Variants in EYS observed in about 807,000 individuals in gnomAD.
EYS encodes the protein EGF-like photoreceptor maintenance factor.
In EYS, 250 loss-of-function variants were observed where a neutral mutation model predicts 282.1. The observed-to-expected ratio is 0.89, with a 90% CI of 0.80 to 0.98. The LOEUF (loss-of-function observed/expected upper bound fraction) is 0.98. EYS is among the 50% of genes least tolerant of loss of function. The pLI, the probability that EYS is intolerant of heterozygous loss-of-function variation, is 0.00. For synonymous variants in EYS, 1,355 were observed against 1,282.9 expected (o/e 1.06, Z -1.20); for missense variants, 4,016 against 3,709.0 (o/e 1.08, Z -2.15).
intron 12 of EYS, among the ~76,000 whole-genome samples, chr6:65,180,512 C>A (rs1304216653): frequency 1.3e-5 from 2 of 151,972 alleles, no homozygotes; most frequent in African/African-American, 2.4e-5. Flanking sequence ...ACGTGAAGGA[C>A]CTCTTCAAGG....
At chr6:65,365,840 T>C (rs1764895979) in intron 8 of EYS, among the ~76,000 whole-genome samples, 1 of 151,772 alleles carries the variant, frequency 6.6e-6, no homozygotes. Context: ...AATCAGAATG[T>C]TGGCTGTCTA....
intron 1 of EYS, among the ~76,000 whole-genome samples, chr6:65,654,317 T>A (rs545741923): frequency 1.1e-4 from 16 of 151,968 alleles, no homozygotes; most frequent in African/African-American, 3.9e-4. Context: ...CTTCTGTAAT[T>A]GGCTTATTTT....
At chr6:63,998,097 T>C (rs1202242201) in intron 34 of EYS, among the ~76,000 whole-genome samples, 4 of 152,112 alleles carry the variant, frequency 2.6e-5, no homozygotes, top group African/African-American at 9.7e-5. Context: ...CAAATGAAGA[T>C]CAGTACAGTG....
At chr6:63,786,943 G>T (rs765250595) in intron 39 of EYS, among the ~76,000 whole-genome samples, 1 of 152,086 alleles carries the variant, frequency 6.6e-6, no homozygotes, top group Non-Finnish European at 1.5e-5. Flanking sequence ...GTAACAATAC[G>T]CCATGATTTA....
At position 64,593,156 on chromosome 6, in the gene EYS, T is replaced by C; in HGVS notation, c.3838A>G (p.Arg1280Gly). The C allele has an allele frequency of 1.3e-6, 2 of 1,546,394 alleles. No homozygotes were observed. The highest frequency in any genetic ancestry group is 1.7e-6 in the Non-Finnish European group (2 of 1,144,822). Reference sequence around the variant, plus strand: ...TAAGTGTCCATTATGGCTGGTATTCTAGTAGCCTTTATAGATGGAAAGCTG... The same window carrying C: ...TAAGTGTCCATTATGGCTGGTATTCCAGTAGCCTTTATAGATGGAAAGCTG... ...VSSFPSIKATRIPAIMDTYPV... is the reference protein window; with the variant it reads ...VSSFPSIKATGIPAIMDTYPV... Residue 1280 changes from arginine to glycine, a missense_variant, in exon 25 of 43, where the codon AGA (arginine) becomes GGA (glycine). Physicochemically the swap from Arg to Gly is moderately radical, Grantham distance 125. Coordinates refer to ENST00000503581, the MANE Select transcript of EYS (RefSeq NM_001142800.2).
intron 12 of EYS, among the ~76,000 whole-genome samples, chr6:65,263,355 A>G (rs1379287533): frequency 6.6e-6 from 1 of 152,024 alleles, no homozygotes; most frequent in Non-Finnish European, 1.5e-5. Context: ...ATAAACAGAC[A>G]ATGTAAGAAA....
At chr6:65,138,843 C>T (rs1018270142) in intron 12 of EYS, among the ~76,000 whole-genome samples, 5 of 152,064 alleles carry the variant, frequency 3.3e-5, no homozygotes, top group African/African-American at 1.2e-4. Flanking sequence ...AAATATTCAA[C>T]ATCACTAATC....
chr6:63,810,346 A>C (rs141005149), intron 36 of EYS, among the ~76,000 whole-genome samples: 53 of 141,054 alleles, frequency 3.8e-4, no homozygotes, highest in African/African-American at 1.3e-3. Context: ...TTTTAATCTG[A>C]ATTATTAAAG....
intron 1 of EYS, among the ~76,000 whole-genome samples, chr6:65,641,134 G>C (rs993733301): frequency 6.6e-6 from 1 of 152,152 alleles, no homozygotes; most frequent in Non-Finnish European, 1.5e-5. Context: ...GTTATAGTGG[G>C]CCAAAATAGA....
rs1772741797 is a variant in EYS at position 64,381,344 on chromosome 6, C to G, written c.6078+7346G>C. Among the ~76,000 whole-genome samples, 3 of 152,026 alleles carry G rather than the reference C, an allele frequency of 2.0e-5. No homozygotes were observed. In the South Asian group the frequency reaches 6.2e-4, roughly 32 times the overall value. On this transcript the variant is annotated intron_variant, in intron 29 of 42. Coordinates refer to ENST00000503581, the MANE Select transcript of EYS (RefSeq NM_001142800.2). Reference sequence around the variant, plus strand: ...TTCTAAGTTTTCTAGTCCTTTATTTCTTTATCATCTACCAAACATATATAT... The same window carrying G: ...TTCTAAGTTTTCTAGTCCTTTATTTGTTTATCATCTACCAAACATATATAT...
chr6:64,407,843 T>G (rs1773770267), intron 28 of EYS, among the ~76,000 whole-genome samples: 1 of 152,118 alleles, frequency 6.6e-6, no homozygotes, highest in Non-Finnish European at 1.5e-5. Flanking sequence ...GTGATTCTCC[T>G]GCCTCAGCCT....
intron 35 of EYS, among the ~76,000 whole-genome samples, chr6:63,882,497 C>T (rs564370843): frequency 6.6e-6 from 1 of 152,182 alleles, no homozygotes; most frequent in South Asian, 2.1e-4. Context: ...CATTCATTCA[C>T]CCACTCAACG....
At chr6:65,596,278 A>G (rs747925616) in intron 2 of EYS, among the ~76,000 whole-genome samples, 3 of 152,094 alleles carry the variant, frequency 2.0e-5, no homozygotes, top group Non-Finnish European at 4.4e-5. Flanking sequence ...CAATTGTGAG[A>G]TAAGTTTTTT....
intron 12 of EYS, among the ~76,000 whole-genome samples, chr6:65,184,434 G>T (rs900956087): frequency 1.3e-5 from 2 of 151,648 alleles, no homozygotes; most frequent in African/African-American, 2.4e-5. Flanking sequence ...TCTTTTAAAA[G>T]TCCCTTCTCC....
At chr6:63,962,481 T>C (rs1024495575) in intron 35 of EYS, among the ~76,000 whole-genome samples, 2 of 152,232 alleles carry the variant, frequency 1.3e-5, no homozygotes, top group African/African-American at 4.8e-5. Context: ...AAAGAAGAAA[T>C]TTATGCAGCC....
chr6:64,314,194 CAAAAAAAAAAA>C (rs138447983), intron 29 of EYS, among the ~76,000 whole-genome samples: 10 of 27,676 alleles, frequency 3.6e-4, no homozygotes, highest in African/African-American at 1.2e-3. Flanking sequence ...AAATGGAAAG[CAAAAAAAAAAA>C]AAAAAAAAAA....
In EYS at chr6:64,307,023, C is replaced by T; in HGVS notation, c.6138G>A (p.Trp2046Ter). Residue 2046 changes from tryptophan (W) to a stop codon, truncating the protein, a stop_gained, in exon 30 of 43, where the codon TGG (tryptophan) becomes TGA (stop). Coordinates refer to ENST00000503581, the MANE Select transcript of EYS (RefSeq NM_001142800.2). LOFTEE classifies it high-confidence loss of function. ...GCIEVIEINNWRSFIPSKAVK... is the reference protein window; with the variant it reads ...GCIEVIEINN Reference sequence around the variant, plus strand: ...CTGCCTTGGATGGAATGAAAGATCTCCAGTTATTTATTTCTATAACTTCTA... The same window carrying T: ...CTGCCTTGGATGGAATGAAAGATCTTCAGTTATTTATTTCTATAACTTCTA... The T allele has an allele frequency of 6.5e-7, 1 of 1,546,406 alleles. No individual in the cohort carries two copies. Among genetic ancestry groups the T allele is most frequent in the Non-Finnish European group, 8.7e-7 (1 of 1,143,126 alleles).
At chr6:64,583,832 T>G (rs1421118225) in intron 26 of EYS, among the ~76,000 whole-genome samples, 1 of 152,096 alleles carries the variant, frequency 6.6e-6, no homozygotes, top group African/African-American at 2.4e-5. Context: ...TCAATTTTTC[T>G]TCTAATTTCA....
chr6:63,907,278 C>T (rs903259282), intron 35 of EYS, among the ~76,000 whole-genome samples: 9 of 152,134 alleles, frequency 5.9e-5, no homozygotes, highest in African/African-American at 2.2e-4. Flanking sequence ...TATACCTCTC[C>T]TTTGGCTTAA....
Sources: gnomAD v4.1 joint callset for allele counts (sites outside exome capture counted in the v4.1 genomes callset) on GRCh38, gnomAD v4.1.1 for gene constraint, MANE v1.5 for transcripts, NCBI Gene and HGNC (gene_info 2026-07-23, HGNC 2026-07-21) for gene names.